HTATIP2: variants seen among roughly 807,000 people sequenced by gnomAD.
HTATIP2 encodes protein HTATIP2.
HTATIP2 carries 26 observed loss-of-function variants against 24.7 expected under a neutral mutation model. The ratio of observed to expected loss-of-function variants is 1.05; its 90% CI spans 0.77 to 1.46. The LOEUF (loss-of-function observed/expected upper bound fraction) is 1.46. HTATIP2 is among the 40% of genes most tolerant of loss of function. The pLI is 0.00. For synonymous variants in HTATIP2, 99 were observed against 113.2 expected (o/e 0.87, Z 0.79); for missense variants, 284 against 289.6 (o/e 0.98, Z 0.14).
chr11:20,382,102 C>A, intron 3 of HTATIP2, 76 bp from the exon 4 acceptor site: 1 of 894,442 alleles, frequency 1.1e-6, no homozygotes, highest in East Asian at 2.5e-5. Context: ...CTCAAAACCA[C>A]AAATTATTCT....
chr11:20,375,473 A>G (rs1340862565), intron 2 of HTATIP2, among the ~76,000 whole-genome samples: 4 of 152,162 alleles, frequency 2.6e-5, no homozygotes, highest in Non-Finnish European at 5.9e-5. Context: ...TGGGAGGCTG[A>G]GGCAGGAGAA....
At chr11:20,365,970 C>CA (rs1161230646) in intron 1 of HTATIP2, among the ~76,000 whole-genome samples, 3,573 of 96,572 alleles carry the variant, frequency 0.037, 171 homozygotes, top group African/African-American at 0.11. Context: ...GACTCTGTCT[C>CA]AAAAAAAAAA....
rs1338723434 is a variant in HTATIP2 at position 20,383,057 on chromosome 11, C to T, written c.581C>T (p.Ser194Phe). 1.1e-5 allele frequency: 18 copies of T among 1,613,344 alleles called. No homozygotes were observed. Among genetic ancestry groups the T allele is most frequent in the African/African-American group, 6.7e-5 (5 of 74,636 alleles). Residue 194 changes from serine (S) to phenylalanine (F), a missense_variant, in exon 5 of 5, where the codon TCT (serine) becomes TTT (phenylalanine). By Grantham distance (155) the Ser-to-Phe change is radical (BLOSUM62 -2). Transcript: ENST00000451739. ...VRKFFGSLPD[S>F]WASGHSVPVV... ...AAGTTCTTTGGCTCCTTACCAGACT[C>T]TTGGGCCAGTGGGCATTCTGTGCCT...
At chr11:20,367,617 C>T in intron 2 of HTATIP2, 2 of 1,294,956 alleles carry the variant, frequency 1.5e-6, no homozygotes, top group South Asian at 2.4e-5. Flanking sequence ...TGTTAACAAT[C>T]AGCTGTTTTT....
chr11:20,378,434 C>T (rs1848475270), intron 3 of HTATIP2, among the ~76,000 whole-genome samples: 1 of 152,158 alleles, frequency 6.6e-6, no homozygotes, highest in South Asian at 2.1e-4. Context: ...TCCTGAGCAG[C>T]TGGGACTACA....
chr11:20,382,248 AAT>A lies in HTATIP2; in HGVS notation c.503+12_503+13del. On this transcript the variant is annotated intron_variant, in intron 4 of 4. Transcript: ENST00000451739. ...TCTGTATTTAGGCCTGGGTAAGTATAATATTTATACTGAATGAGAGTATGCCA... is the reference window on the plus strand; with the variant it reads ...TCTGTATTTAGGCCTGGGTAAGTATAATTTATACTGAATGAGAGTATGCCA... 1.3e-6 allele frequency: 2 copies of A among 1,497,622 alleles called. No homozygotes were observed. Among genetic ancestry groups the A allele is most frequent in the Non-Finnish European group, 1.9e-6 (2 of 1,074,344 alleles). The allele number at this position is 1,497,622 out of a possible 1,614,324, so 92.8% of individuals were successfully genotyped here.
At chr11:20,377,720 T>C (rs1456660369) in intron 3 of HTATIP2, among the ~76,000 whole-genome samples, 1 of 152,250 alleles carries the variant, frequency 6.6e-6, no homozygotes, top group East Asian at 1.9e-4. Context: ...TTTTCTATTT[T>C]GGGTCAGATC....
In HTATIP2 at chr11:20,364,129, A is replaced by T; in HGVS notation, c.-109A>T. The stretch of plus-strand genomic sequence containing the variant: ...ACTTTCCCCAGAGCCCGGACTGCGG[A>T]GAACAATATCCTCCTCCCTAACAGA... On this transcript the variant is annotated 5_prime_UTR_variant, in exon 1 of 5. The change creates a premature stop within an existing upstream ORF in the 5' untranslated region. Transcript: ENST00000451739. 1 of 1,456,950 alleles carries T rather than the reference A, an allele frequency of 6.9e-7. No homozygotes were observed. The highest frequency in any genetic ancestry group is 9.1e-7 in the Non-Finnish European group (1 of 1,101,360). The allele number at this position is 1,456,950 out of a possible 1,614,324, so 90.3% of individuals were successfully genotyped here.
At chr11:20,379,047 AAAACAAAACAAAC>A (rs1188022470) in intron 3 of HTATIP2, among the ~76,000 whole-genome samples, 2 of 87,938 alleles carry the variant, frequency 2.3e-5, no homozygotes, top group African/African-American at 8.2e-5. Flanking sequence ...AAAACAAAAC[AAAACAAAACAAAC>A]AACAACAACA....
At chr11:20,378,733 T>G (rs1257820829) in intron 3 of HTATIP2, among the ~76,000 whole-genome samples, 1 of 152,144 alleles carries the variant, frequency 6.6e-6, no homozygotes. Context: ...ACAGGTACTG[T>G]GATATTAAGA....
intron 1 of HTATIP2, 30 bp downstream of exon 1, chr11:20,364,462 C>G: frequency 6.5e-7 from 1 of 1,544,836 alleles, no homozygotes; most frequent in South Asian, 1.2e-5. Context: ...CTCAAATGGA[C>G]CCCCAGGATT....
intron 2 of HTATIP2, among the ~76,000 whole-genome samples, chr11:20,374,830 A>C (rs940088984): frequency 6.6e-6 from 1 of 152,216 alleles, no homozygotes; most frequent in East Asian, 1.9e-4. Context: ...CTGGTGAAAT[A>C]AATTCAGTTT....
intron 2 of HTATIP2, chr11:20,376,258 G>A: frequency 3.7e-6 from 1 of 268,482 alleles, no homozygotes; most frequent in South Asian, 5.4e-5. Flanking sequence ...AAAAAAAAAA[G>A]TCTGGCTTAA....
In HTATIP2 at chr11:20,364,016, G is replaced by A; in HGVS notation, c.-222G>A. On this transcript the variant is annotated 5_prime_UTR_variant, in exon 1 of 5. Transcript: ENST00000451739. Reference sequence around the variant, plus strand: ...TGCCAGCAGCTTGTGGCACCTGGGCGCACCCTCCAGCTCGGGCCCCTTCCG... The same window carrying A: ...TGCCAGCAGCTTGTGGCACCTGGGCACACCCTCCAGCTCGGGCCCCTTCCG... 3 of 1,272,784 alleles carry A rather than the reference G, an allele frequency of 2.4e-6. No homozygotes were observed. Among genetic ancestry groups the A allele is most frequent in the Non-Finnish European group, 2.0e-6 (2 of 1,009,462 alleles). 78.8% of individuals were successfully genotyped at this position (1,272,784 alleles called of 1,614,324 possible).
intron 2 of HTATIP2, 138 bp from the exon 3 acceptor site, chr11:20,376,442 C>A: frequency 1.0e-6 from 1 of 966,852 alleles, no homozygotes; most frequent in Non-Finnish European, 1.6e-6. Context: ...CTAAGCCTGA[C>A]TTTCATGTAT....
Position 20,364,196 on chromosome 11 carries a change from TGACACC to T in HTATIP2, c.-41_-36del. 2.6e-6 allele frequency: 4 copies of T among 1,553,390 alleles called. No homozygotes were observed. Among genetic ancestry groups the T allele is most frequent in the Non-Finnish European group, 3.5e-6 (4 of 1,145,826 alleles). ...CTCGGGATAAGGACTGGCAGTCCCC[TGACACC>T]CTAAGACCGGCATCTGTCGATGTTA... On this transcript the variant is annotated 5_prime_UTR_variant, in exon 1 of 5. Coordinates refer to ENST00000451739, the MANE Select transcript of HTATIP2 (RefSeq NM_001098522.2).
chr11:20,366,954 ACCCC>A (rs2064715406), intron 1 of HTATIP2, among the ~76,000 whole-genome samples: 1 of 152,078 alleles, frequency 6.6e-6, no homozygotes, highest in South Asian at 2.1e-4. Context: ...AATCTGGATC[ACCCC>A]TAGTCCAGTT....
At chr11:20,378,672 C>G (rs1007677873) in intron 3 of HTATIP2, among the ~76,000 whole-genome samples, 3 of 152,186 alleles carry the variant, frequency 2.0e-5, no homozygotes, top group African/African-American at 7.2e-5. Flanking sequence ...ATAGCTAACA[C>G]TAAATGAGCC....
intron 1 of HTATIP2, among the ~76,000 whole-genome samples, chr11:20,365,478 T>A: frequency 6.6e-6 from 1 of 152,216 alleles, no homozygotes; most frequent in Admixed American, 6.5e-5. Flanking sequence ...CCCACAGGTT[T>A]CATAGAAAGA....
Sources: allele counts gnomAD v4.1 joint callset (sites outside exome capture counted in the v4.1 genomes callset), GRCh38; gene constraint gnomAD v4.1.1; transcripts MANE v1.5; gene names NCBI Gene and HGNC (gene_info 2026-07-23, HGNC 2026-07-21).